The following ENAH variants were observed in gnomAD, a reference collection of about 807,000 sequenced individuals.
ENAH encodes the protein ENAH actin regulator, also known as protein enabled homolog.
In ENAH, 23 loss-of-function variants were observed where a neutral mutation model predicts 78.7. The observed-to-expected ratio is 0.29, with a 90% CI of 0.21 to 0.41. The LOEUF is 0.41. ENAH is among the 10% of genes least tolerant of loss of function. ENAH has a pLI of 1.00. For synonymous variants in ENAH, 226 were observed against 241.0 expected, an observed-to-expected ratio of 0.94 and a Z score of 0.58; for missense variants, 544 against 691.0, an observed-to-expected ratio of 0.79 and a Z score of 2.39.
chr1:225,652,802 T>G lies in ENAH; in HGVS notation c.-112A>C. ...GAGCAGCTCGGAGACGGGAGACAAG[T>G]GTCCGGCTCCTCCTTCGGCGGCCAG... On this transcript the variant is annotated 5_prime_UTR_variant, in exon 1 of 14. Coordinates refer to ENST00000366843, the MANE Select transcript of ENAH (RefSeq NM_018212.6). 1 of 924,116 alleles carries G rather than the reference T, an allele frequency of 1.1e-6. No individual in the cohort carries two copies. The highest frequency in any genetic ancestry group is 1.4e-6 in the Non-Finnish European group (1 of 696,366). The allele number at this position is 924,116 out of a possible 1,614,324, so 57.2% of individuals were successfully genotyped here. A position where few individuals can be genotyped will look rare whatever the true frequency, so the allele number is the denominator to read the frequency against.
intron 4 of ENAH, among the ~76,000 whole-genome samples, chr1:225,527,548 T>A (rs2096514808): frequency 6.6e-6 from 1 of 152,206 alleles, no homozygotes; most frequent in Non-Finnish European, 1.5e-5. Context: ...TTTTGTAGTA[T>A]CTTTTTCCAA....
intron 3 of ENAH, among the ~76,000 whole-genome samples, chr1:225,538,960 A>G (rs2096575710): frequency 6.6e-6 from 1 of 152,188 alleles, no homozygotes; most frequent in Admixed American, 6.5e-5. Context: ...TCCTGAACAC[A>G]GATCAAGACT....
intron 1 of ENAH, among the ~76,000 whole-genome samples, chr1:225,609,198 C>A (rs2096974152): frequency 6.6e-6 from 1 of 151,678 alleles, no homozygotes. Context: ...AAAAAAGAAA[C>A]TGAAAGATTA....
intron 7 of ENAH, 129 bp downstream of exon 7, chr1:225,514,467 A>G (rs2096401637): frequency 1.2e-6 from 1 of 857,176 alleles, no homozygotes; most frequent in Non-Finnish European, 1.9e-6. Context: ...GCGCCAGGGT[A>G]AATTATTTCA....
rs927940621 is a variant in ENAH, at chr1:225,519,401, C to T, written c.599G>A (p.Arg200Gln). 1.9e-5 allele frequency: 30 copies of T among 1,613,122 alleles called. No homozygotes were observed. Among genetic ancestry groups the T allele is most frequent in the African/African-American group, 8.0e-5 (6 of 74,680 alleles). ...QLERERQERE[R>Q]QERLERQERL... is the part of the protein sequence containing the mutation. ...TTCCTGCCGCTCCAGGCGTTCCTGC[C>T]GTTCCCGTTCTTGTCTCTCTCTCTC... Residue 200 changes from arginine (R) to glutamine (Q), a missense_variant, in exon 5 of 14, where the codon CGG (arginine) becomes CAG (glutamine). Transcript: ENST00000366843.
chr1:225,533,049 T>G (rs546639210), intron 3 of ENAH, among the ~76,000 whole-genome samples: 7 of 152,194 alleles, frequency 4.6e-5, no homozygotes, highest in African/African-American at 1.7e-4. Flanking sequence ...CTTTTTCACA[T>G]CTACATTTAA....
chr1:225,553,657 A>G (rs929399965), intron 3 of ENAH, among the ~76,000 whole-genome samples: 1 of 152,178 alleles, frequency 6.6e-6, no homozygotes, highest in African/African-American at 2.4e-5. Context: ...TACCTATGAT[A>G]GCATGCCAAT....
chr1:225,619,929 G>C (rs1656497031), intron 1 of ENAH, among the ~76,000 whole-genome samples: 1 of 152,112 alleles, frequency 6.6e-6, no homozygotes, highest in African/African-American at 2.4e-5. Flanking sequence ...AAATGTACCG[G>C]ATTGAACCAT....
Position 225,494,678 on chromosome 1 carries a change from T to C in ENAH, c.*3097A>G, listed in dbSNP as rs2096241057. On this transcript the variant is annotated 3_prime_UTR_variant, in exon 14 of 14. Transcript: ENST00000366843. ...GTATTCACGACTTCTATGAAATCTG[T>C]AAAGAATAGTGACGTGACATGTAAA... 1 of 152,226 alleles carries C rather than the reference T, an allele frequency of 6.6e-6. No individual in the cohort carries two copies. The highest frequency in any genetic ancestry group is 6.5e-5 in the Admixed American group (1 of 15,276). The allele number at this position is 152,226 out of a possible 1,614,324, so 9.4% of individuals were successfully genotyped here. A position where few individuals can be genotyped will look rare whatever the true frequency, so the allele number is the denominator to read the frequency against.
intron 2 of ENAH, among the ~76,000 whole-genome samples, chr1:225,563,871 C>A (rs1399187684): frequency 1.3e-5 from 2 of 152,130 alleles, no homozygotes; most frequent in African/African-American, 2.4e-5. Context: ...TCTGTACTCT[C>A]CTGCAGCTTT....
chr1:225,530,517 A>G, intron 4 of ENAH, 37 bp downstream of exon 4: 1 of 1,525,720 alleles, frequency 6.6e-7, no homozygotes. Flanking sequence ...CTTCTGAAGC[A>G]TAAAGAAAAA....
chr1:225,570,051 CA>C (rs1228381547), intron 1 of ENAH, among the ~76,000 whole-genome samples: 1 of 150,930 alleles, frequency 6.6e-6, no homozygotes. Context: ...ACTAAAAATA[CA>C]AAAATTAGCT....
chr1:225,517,409 C>T (rs747481773), intron 5 of ENAH, 103 bp from the exon 6 acceptor site: 21 of 1,551,582 alleles, frequency 1.4e-5, no homozygotes, highest in Middle Eastern at 1.7e-4. Flanking sequence ...GAGAGTGATG[C>T]GAGGGAAGGC....
At chr1:225,633,555 A>G (rs1178214672) in intron 1 of ENAH, among the ~76,000 whole-genome samples, 1 of 152,202 alleles carries the variant, frequency 6.6e-6, no homozygotes, top group Non-Finnish European at 1.5e-5. Context: ...CAGGACTTAG[A>G]TCTGAATTTC....
At chr1:225,509,765 T>C (rs2096362324) in intron 10 of ENAH, among the ~76,000 whole-genome samples, 1 of 152,212 alleles carries the variant, frequency 6.6e-6, no homozygotes, top group African/African-American at 2.4e-5. Context: ...TTTTCAACCT[T>C]TTCCCTACAA....
At chr1:225,605,372 C>T (rs1255554524) in intron 1 of ENAH, among the ~76,000 whole-genome samples, 1 of 152,106 alleles carries the variant, frequency 6.6e-6, no homozygotes, top group African/African-American at 2.4e-5. Context: ...ATACATCGTC[C>T]TTAATTTCTT....
At chr1:225,526,890 A>G (rs1276801090) in intron 4 of ENAH, among the ~76,000 whole-genome samples, 1 of 152,058 alleles carries the variant, frequency 6.6e-6, no homozygotes, top group African/African-American at 2.4e-5. Flanking sequence ...GAAAGGTTTG[A>G]TGATCCTTGG....
Position 225,595,539 on chromosome 1 carries a change from G to A in ENAH, c.6-28125C>T, listed in dbSNP as rs546081923. 5.9e-5 allele frequency among the ~76,000 whole-genome samples: 9 copies of A among 152,120 alleles called. No individual in the cohort carries two copies. In the South Asian group the frequency reaches 1.9e-3, roughly 32 times the overall value. The stretch of plus-strand genomic sequence containing the variant: ...AAATAGTTAGGTGCCTAAAACAAGG[G>A]CAGGCACTACCCAGAACATTTTAAA... On this transcript the variant is annotated intron_variant, in intron 1 of 13. Coordinates refer to ENST00000366843, the MANE Select transcript of ENAH (RefSeq NM_018212.6).
chr1:225,592,294 CA>C (rs1558872135), intron 1 of ENAH, among the ~76,000 whole-genome samples: 1 of 152,198 alleles, frequency 6.6e-6, no homozygotes, highest in East Asian at 1.9e-4. Flanking sequence ...CTGACCAATA[CA>C]AGAATCTAAA....
Sources: allele counts gnomAD v4.1 joint callset (sites outside exome capture counted in the v4.1 genomes callset), GRCh38; gene constraint gnomAD v4.1.1; transcripts MANE v1.5; gene names NCBI Gene and HGNC (gene_info 2026-07-23, HGNC 2026-07-21).